Variants in SPIDR observed in about 807,000 individuals in gnomAD.
SPIDR encodes the protein DNA repair-scaffolding protein.
SPIDR carries 93 observed loss-of-function variants against 104.6 expected under a neutral mutation model. The observed-to-expected ratio is 0.89, with a 90% CI of 0.75 to 1.06. The LOEUF (loss-of-function observed/expected upper bound fraction) is 1.06, where lower values mean the gene tolerates loss of function less well. Ranked by LOEUF, SPIDR falls within the 50% of genes least tolerant of loss-of-function variation. SPIDR has a pLI of 0.00. For missense variants in SPIDR, 1,154 were observed against 1,111.2 expected (o/e 1.04, Z -0.55); for synonymous variants, 431 against 416.9 (o/e 1.03, Z -0.41).
chr8:47,680,574 T>G (rs1563523224), intron 11 of SPIDR, among the ~76,000 whole-genome samples: 1 of 152,206 alleles, frequency 6.6e-6, no homozygotes, highest in Non-Finnish European at 1.5e-5. Flanking sequence ...GAGCTCTCCG[T>G]GGGTAAGAAA....
chr8:47,521,875 T>C (rs1018548550), intron 8 of SPIDR, among the ~76,000 whole-genome samples: 7 of 151,780 alleles, frequency 4.6e-5, no homozygotes, highest in African/African-American at 1.7e-4. Flanking sequence ...TAGAAATATA[T>C]GAATGAGGCC....
At chr8:47,633,663 A>G (rs900940767) in intron 10 of SPIDR, among the ~76,000 whole-genome samples, 85 of 151,866 alleles carry the variant, frequency 5.6e-4, no homozygotes, top group African/African-American at 2.0e-3. Context: ...ACCTGGGCAG[A>G]CACTCAGGAA....
At chr8:47,695,761 T>A (rs2079242676) in intron 11 of SPIDR, among the ~76,000 whole-genome samples, 4 of 152,190 alleles carry the variant, frequency 2.6e-5, no homozygotes. Context: ...CCAAATGACA[T>A]TTGTCATCTA....
intron 8 of SPIDR, among the ~76,000 whole-genome samples, chr8:47,517,427 G>A (rs1376727590): frequency 6.6e-6 from 1 of 152,140 alleles, no homozygotes; most frequent in South Asian, 2.1e-4. Context: ...CATGCCCACA[G>A]ACACTGGGTG....
intron 8 of SPIDR, among the ~76,000 whole-genome samples, chr8:47,474,738 G>C (rs2076097205): frequency 6.6e-6 from 1 of 152,176 alleles, no homozygotes; most frequent in African/African-American, 2.4e-5. Context: ...TTAAAGAATT[G>C]ATTTAAGAAA....
intron 1 of SPIDR, among the ~76,000 whole-genome samples, chr8:47,263,454 G>A (rs1277301035): frequency 6.6e-6 from 1 of 151,672 alleles, no homozygotes; most frequent in Non-Finnish European, 1.5e-5. Context: ...GCGCGATCTC[G>A]GTACAGGCGC....
At chr8:47,626,655 C>G (rs2066176277) in intron 10 of SPIDR, among the ~76,000 whole-genome samples, 1 of 152,190 alleles carries the variant, frequency 6.6e-6, no homozygotes, top group South Asian at 2.1e-4. Flanking sequence ...CGTCACTGGC[C>G]ATCAGAGAAA....
chr8:47,623,454 G>C (rs1313030602), intron 10 of SPIDR, among the ~76,000 whole-genome samples: 1 of 152,160 alleles, frequency 6.6e-6, no homozygotes, highest in East Asian at 1.9e-4. Context: ...ATTGGATAAA[G>C]AGTCAAGACC....
At position 47,647,343 on chromosome 8, in the gene SPIDR, A is replaced by G. The variant is rs138608563; in HGVS notation, c.1545-26458A>G. Among the ~76,000 whole-genome samples, 172 of 152,256 alleles carry G rather than the reference A, an allele frequency of 1.1e-3. 1 individual carries two copies. The highest frequency in any genetic ancestry group is 4.0e-3 in the African/African-American group (167 of 41,566). ...AATGTAAGAAAGTAAGCCCAGGCGC[A>G]GTGGCTCACGCCTGTAATCCCAGCA... On this transcript the variant is annotated intron_variant, in intron 10 of 19. Transcript: ENST00000297423.
At chr8:47,708,502 C>T (rs1471871915) in intron 14 of SPIDR, among the ~76,000 whole-genome samples, 3 of 152,168 alleles carry the variant, frequency 2.0e-5, no homozygotes, top group African/African-American at 4.8e-5. Context: ...TTGCTCACAA[C>T]TAATGAACCT....
chr8:47,446,841 T>C (rs916075463), intron 8 of SPIDR, among the ~76,000 whole-genome samples: 8 of 152,156 alleles, frequency 5.3e-5, no homozygotes, highest in Non-Finnish European at 8.8e-5. Context: ...CACTTCGGCT[T>C]CCCAAAGTGC....
intron 4 of SPIDR, 104 bp downstream of exon 4, chr8:47,291,241 G>T: frequency 1.5e-6 from 1 of 673,704 alleles, no homozygotes; most frequent in South Asian, 3.5e-5. Context: ...TAGGAATCCA[G>T]TTTCTGTTAA....
chr8:47,300,040 T>G (rs1275531122), intron 5 of SPIDR, among the ~76,000 whole-genome samples: 5 of 152,206 alleles, frequency 3.3e-5, no homozygotes, highest in African/African-American at 1.2e-4. Flanking sequence ...CAGCTCCTCT[T>G]TGTACCTCTG....
chr8:47,606,163 G>T (rs1391839612), intron 10 of SPIDR, among the ~76,000 whole-genome samples: 1 of 152,118 alleles, frequency 6.6e-6, no homozygotes, highest in Non-Finnish European at 1.5e-5. Flanking sequence ...CCTAATGCTG[G>T]GGCCAGTGTT....
intron 11 of SPIDR, among the ~76,000 whole-genome samples, chr8:47,688,934 C>G (rs1589214711): frequency 6.6e-6 from 1 of 152,208 alleles, no homozygotes; most frequent in Non-Finnish European, 1.5e-5. Flanking sequence ...AATTCCAGTT[C>G]CTGATTACCG....
chr8:47,532,065 ATT>A (rs34728107), intron 8 of SPIDR, among the ~76,000 whole-genome samples: 3,507 of 119,558 alleles, frequency 0.029, 41 homozygotes, highest in Non-Finnish European at 0.034. Context: ...GTCAGAGTGG[ATT>A]TTTTTTTTTT....
At chr8:47,728,848 C>A in intron 17 of SPIDR, 85 bp from the exon 18 acceptor site, 1 of 1,468,390 alleles carries the variant, frequency 6.8e-7, no homozygotes, top group Non-Finnish European at 9.2e-7. Flanking sequence ...AGCAGACACT[C>A]ATGTTTAAGA....
At chr8:47,506,342 G>C (rs765353183) in intron 8 of SPIDR, among the ~76,000 whole-genome samples, 7 of 152,094 alleles carry the variant, frequency 4.6e-5, no homozygotes, top group African/African-American at 1.7e-4. Context: ...CAGCTCTCCC[G>C]TATAGAAATA....
intron 5 of SPIDR, among the ~76,000 whole-genome samples, chr8:47,300,987 G>T (rs1554576973): frequency 6.6e-6 from 1 of 152,104 alleles, no homozygotes; most frequent in Non-Finnish European, 1.5e-5. Flanking sequence ...GCTGAGTTCA[G>T]TGCCTGGATA....
Sources: allele counts gnomAD v4.1 joint callset (sites outside exome capture counted in the v4.1 genomes callset), GRCh38; gene constraint gnomAD v4.1.1; transcripts MANE v1.5; gene names NCBI Gene and HGNC (gene_info 2026-07-23, HGNC 2026-07-21).